The following PPP1CB variants were observed in gnomAD, a reference collection of about 807,000 sequenced individuals.
PPP1CB encodes the protein serine/threonine-protein phosphatase PP1-beta catalytic subunit.
In PPP1CB, 2 loss-of-function variants were observed where a neutral mutation model predicts 43.7. The ratio of observed to expected loss-of-function variants is 0.05; its 90% CI spans 0.02 to 0.14. The LOEUF is 0.14. Ranked by LOEUF, PPP1CB falls within the 10% of genes least tolerant of loss-of-function variation. The pLI is 1.00. For synonymous variants in PPP1CB, 136 were observed against 135.6 expected, an observed-to-expected ratio of 1.00 and a Z score of -0.02; for missense variants, 84 against 398.0, an observed-to-expected ratio of 0.21 and a Z score of 6.71.
At chr2:28,773,425 A>G (rs1466827465) in intron 1 of PPP1CB, among the ~76,000 whole-genome samples, 2 of 152,330 alleles carry the variant, frequency 1.3e-5, no homozygotes, top group Non-Finnish European at 2.9e-5. Flanking sequence ...CTGTGATCTT[A>G]TGCGAGTTAT....
intron 5 of PPP1CB, among the ~76,000 whole-genome samples, chr2:28,787,562 T>C (rs1172103158): frequency 6.6e-6 from 1 of 152,224 alleles, no homozygotes; most frequent in East Asian, 1.9e-4. Context: ...AGTTGGACTT[T>C]TACCCACTCC....
intron 1 of PPP1CB, among the ~76,000 whole-genome samples, chr2:28,761,091 G>T (rs550763665): frequency 1.3e-5 from 2 of 152,270 alleles, no homozygotes; most frequent in African/African-American, 4.8e-5. Flanking sequence ...TAGTAGTAGA[G>T]ATGGGATTTC....
At chr2:28,760,926 AGTCTCACACTGTT>A (rs1314430783) in intron 1 of PPP1CB, among the ~76,000 whole-genome samples, 7 of 152,128 alleles carry the variant, frequency 4.6e-5, no homozygotes, top group Non-Finnish European at 1.0e-4. Flanking sequence ...TCCGAGATGG[AGTCTCACACTGTT>A]GTCCAGGCTG....
At chr2:28,769,451 GTCTAGAATTCTAAA>G (rs1229539060) in intron 1 of PPP1CB, among the ~76,000 whole-genome samples, 1 of 152,192 alleles carries the variant, frequency 6.6e-6, no homozygotes, top group Non-Finnish European at 1.5e-5. Context: ...GGTCAGGCTG[GTCTAGAATTCTAAA>G]TCTAGAATAT....
At chr2:28,788,021 GT>G (rs200559931) in intron 5 of PPP1CB, among the ~76,000 whole-genome samples, 4 of 149,554 alleles carry the variant, frequency 2.7e-5, no homozygotes, top group East Asian at 3.9e-4. Flanking sequence ...AGTAGAAAAT[GT>G]TTTTTTTTCG....
At chr2:28,751,734 C>T, upstream of PPP1CB, 1 of 258,144 alleles carries the variant, frequency 3.9e-6, no homozygotes, top group Non-Finnish European at 7.5e-6. Context: ...GCGCACCGCG[C>T]GCCTGCGCGG....
chr2:28,766,646 A>AGT (rs1666782552), intron 1 of PPP1CB, among the ~76,000 whole-genome samples: 1 of 152,244 alleles, frequency 6.6e-6, no homozygotes, highest in African/African-American at 2.4e-5. Flanking sequence ...CCAAATAACA[A>AGT]GTATTGGTAA....
At chr2:28,759,179 T>G (rs577681670) in intron 1 of PPP1CB, among the ~76,000 whole-genome samples, 1 of 152,136 alleles carries the variant, frequency 6.6e-6, no homozygotes. Context: ...TTACTCTTGT[T>G]TGTGGTAGTG....
intron 1 of PPP1CB, among the ~76,000 whole-genome samples, chr2:28,775,175 C>T (rs1412190995): frequency 6.6e-6 from 1 of 152,166 alleles, no homozygotes; most frequent in Admixed American, 6.5e-5. Flanking sequence ...ACGATCTCAG[C>T]TCACTGTAGC....
At chr2:28,769,010 TG>T (rs1433412463) in intron 1 of PPP1CB, among the ~76,000 whole-genome samples, 1 of 152,174 alleles carries the variant, frequency 6.6e-6, no homozygotes, top group Non-Finnish European at 1.5e-5. Flanking sequence ...TTAAAGAAGC[TG>T]TGTGATTCCA....
intron 1 of PPP1CB, among the ~76,000 whole-genome samples, chr2:28,762,892 C>T (rs1666688557): frequency 6.6e-6 from 1 of 152,188 alleles, no homozygotes; most frequent in African/African-American, 2.4e-5. Context: ...CTGTCAGATT[C>T]ATGGTGCTGA....
chr2:28,772,201 A>C (rs1666929408), intron 1 of PPP1CB, among the ~76,000 whole-genome samples: 1 of 152,038 alleles, frequency 6.6e-6, no homozygotes, highest in Admixed American at 6.6e-5. Context: ...CCAGCTGCTC[A>C]GGAGGCAGGA....
At chr2:28,791,872 C>T (rs1667395135) in intron 6 of PPP1CB, among the ~76,000 whole-genome samples, 1 of 152,060 alleles carries the variant, frequency 6.6e-6, no homozygotes, top group Non-Finnish European at 1.5e-5. Context: ...CAAAATCCTT[C>T]TATTGTGCTT....
intron 1 of PPP1CB, among the ~76,000 whole-genome samples, chr2:28,773,045 A>T (rs538124532): frequency 6.6e-6 from 1 of 152,328 alleles, no homozygotes; most frequent in African/African-American, 2.4e-5. Context: ...AACCTCAGGC[A>T]TTACTGTCAT....
intron 1 of PPP1CB, among the ~76,000 whole-genome samples, chr2:28,760,666 A>G (rs1477984420): frequency 6.6e-6 from 1 of 152,182 alleles, no homozygotes; most frequent in Non-Finnish European, 1.5e-5. Flanking sequence ...CATTCTCAAG[A>G]TTTGGAGAAA....
chr2:28,787,267 G>A (rs1667289879), intron 5 of PPP1CB, among the ~76,000 whole-genome samples: 2 of 152,102 alleles, frequency 1.3e-5, no homozygotes, highest in Admixed American at 1.3e-4. Flanking sequence ...AGACCATCCT[G>A]GCTAACACAG....
intron 1 of PPP1CB, among the ~76,000 whole-genome samples, chr2:28,761,908 A>G (rs1378235497): frequency 1.3e-5 from 2 of 152,190 alleles, no homozygotes; most frequent in African/African-American, 4.8e-5. Context: ...TTCTCCATAT[A>G]TGTAAAGAAT....
rs74422283 is a variant in PPP1CB, at chr2:28,757,763, G to C, written c.52+5587G>C. Among the ~76,000 whole-genome samples the C allele has an allele frequency of 3.5e-3, 530 of 152,292 alleles. 12 individuals are homozygous for C. The East Asian group carries it at 0.071, about 20-fold the overall frequency. On this transcript the variant is annotated intron_variant, in intron 1 of 7. Coordinates refer to ENST00000395366, the MANE Select transcript of PPP1CB (RefSeq NM_002709.3). ...GTTTTCTCTGAATTAAGTTCAGCAA[G>C]TAAGGGAAACTGACAGTTTGAAGAA...
At position 28,752,179 on chromosome 2, in the gene PPP1CB, G is replaced by A; in HGVS notation, c.52+3G>A. ...CCTCATCACCCGGCTGCTGGAGGGT[G>A]AGTGCGCGCCTGGCCGCGGGACAGA... is the stretch of plus-strand genomic sequence containing the variant. On this transcript the variant is annotated splice_donor_region_variant and intron_variant, in intron 1 of 7. Transcript: ENST00000395366. The A allele has an allele frequency of 2.6e-6, 4 of 1,545,686 alleles. No individual in the cohort carries two copies. The highest frequency in any genetic ancestry group is 3.5e-6 in the Non-Finnish European group (4 of 1,144,260).
Sources: gnomAD v4.1 joint callset for allele counts (sites outside exome capture counted in the v4.1 genomes callset) on GRCh38, gnomAD v4.1.1 for gene constraint, MANE v1.5 for transcripts, NCBI Gene and HGNC (gene_info 2026-07-23, HGNC 2026-07-21) for gene names.